CST6: variants seen among roughly 807,000 people sequenced by gnomAD.
The protein encoded by CST6 is cystatin E/M.
CST6 carries 8 observed loss-of-function variants against 10.7 expected under a neutral mutation model. The observed-to-expected ratio is 0.75, with a 90% CI of 0.44 to 1.34. The LOEUF (loss-of-function observed/expected upper bound fraction) is 1.34, where lower values mean the gene tolerates loss of function less well. Among genes scored for constraint, CST6 ranks in the 40% most tolerant of loss-of-function variants. The probability of loss-of-function intolerance (pLI) is 0.01; values close to 1 mark genes in which losing one functional copy is unlikely to be tolerated. For synonymous variants in CST6, 100 were observed against 89.3 expected, an observed-to-expected ratio of 1.12 and a Z score of -0.68; for missense variants, 206 against 205.1, an observed-to-expected ratio of 1.00 and a Z score of -0.03.
chr11:66,012,674 A>ACCCCCC (rs1420287294), intron 1 of CST6, 152 bp from the exon 2 acceptor site: 3 of 41,446 alleles, frequency 7.2e-5, no homozygotes, highest in Admixed American at 3.0e-4. Flanking sequence ...TCCCCCCCCC[A>ACCCCCC]CCCCCCCCCA....
chr11:66,012,307 A>AG (rs1404799533), intron 1 of CST6, 23 bp downstream of exon 1: 2 of 1,568,102 alleles, frequency 1.3e-6, no homozygotes, highest in Admixed American at 3.5e-5. Flanking sequence ...GGGTGCTGGG[A>AG]GGGGACACCC....
chr11:66,013,046 T>C (rs1290554227), intron 2 of CST6, 95 bp downstream of exon 2: 2 of 1,487,340 alleles, frequency 1.3e-6, no homozygotes. Flanking sequence ...CGTAGATGTC[T>C]AGATGTCTGG....
chr11:66,013,360 ACTC>A lies in CST6; in HGVS notation c.414_416del (p.Ser139del). ...GAGGTCCTTGTGGTTCCCTGGCAGA[ACTC>A]CTCTCAGCTCCTAAAGCACAACTGT... is the stretch of plus-strand genomic sequence containing the variant. On this transcript the variant is annotated inframe_deletion, in exon 3 of 3. Coordinates refer to ENST00000312134, the MANE Select transcript of CST6 (RefSeq NM_001323.4). 6.2e-7 allele frequency: 1 copy of A among 1,613,936 alleles called. No individual in the cohort carries two copies. The highest frequency in any genetic ancestry group is 1.1e-5 in the South Asian group (1 of 91,074).
rs772821402 is a variant in CST6, at chr11:66,013,331, CT to C, written c.384del (p.Phe128LeufsTer15). 5 of 1,614,162 alleles carry C rather than the reference CT, an allele frequency of 3.1e-6. No individual in the cohort carries two copies. The highest frequency in any genetic ancestry group is 4.2e-6 in the Non-Finnish European group (5 of 1,179,986). ...GAQQEKLRCD[F>X]EVLVVPWQNS... ...TCCCTCCACAGAAGCTGCGCTGTGA[CT>C]TTGAGGTCCTTGTGGTTCCCTGGCA... On this transcript the variant is annotated frameshift_variant, in exon 3 of 3. Transcript: ENST00000312134. LOFTEE classifies it high-confidence loss of function.
Position 66,012,187 on chromosome 11 carries a change from T to G in CST6, c.143T>G (p.Val48Gly). 6.3e-7 allele frequency: 1 copy of G among 1,577,288 alleles called. No homozygotes were observed. The highest frequency in any genetic ancestry group is 8.6e-7 in the Non-Finnish European group (1 of 1,163,622). ...GACCTGTCGCCCGACGACCCGCAGG[T>G]GCAGAAGGCGGCGCAGGCGGCCGTG... ...LRDLSPDDPQ[V>G]QKAAQAAVAS... is the part of the protein sequence containing the mutation. The change falls in exon 1 of 3, where the codon GTG becomes GGG. Residue 48 changes from valine (V) to glycine (G), a missense_variant. By Grantham distance (109) the Val-to-Gly change is moderately radical (BLOSUM62 -3). Coordinates refer to ENST00000312134, the MANE Select transcript of CST6 (RefSeq NM_001323.4).
intron 1 of CST6, 150 bp downstream of exon 1, chr11:66,012,434 G>A: frequency 9.2e-7 from 1 of 1,083,460 alleles, no homozygotes; most frequent in African/African-American, 1.6e-5. Context: ...AAAACTCCAC[G>A]ATGGACAACC....
chr11:66,013,299 CCCATATTCCCT>C lies in CST6; in HGVS notation c.367-14_367-4del. ...AGGCTGGGCTCACCCCTCCTTCTCC[CCCATATTCCCT>C]CCACAGAAGCTGCGCTGTGACTTTG... On this transcript the variant is annotated splice_region_variant and splice_polypyrimidine_tract_variant and intron_variant, in intron 2 of 2. Transcript: ENST00000312134. The C allele has an allele frequency of 6.2e-7, 1 of 1,610,912 alleles. No homozygotes were observed. Among genetic ancestry groups the C allele is most frequent in the Non-Finnish European group, 8.5e-7 (1 of 1,177,078 alleles).
At chr11:66,013,101 T>C (rs1413654648) in intron 2 of CST6, 150 bp downstream of exon 2, 3 of 1,170,758 alleles carry the variant, frequency 2.6e-6, no homozygotes, top group Admixed American at 3.9e-5. Flanking sequence ...TGGGCCAAGA[T>C]GGGGTGCAGA....
At position 66,012,871 on chromosome 11, in the gene CST6, A is replaced by T; in HGVS notation, c.286A>T (p.Thr96Ser). The change falls in exon 2 of 3, where the codon ACA becomes TCA. Residue 96 changes from threonine to serine, a missense_variant. Thr to Ser is a moderately conservative substitution (Grantham distance 58, BLOSUM62 1). Transcript: ENST00000312134. The part of the protein sequence containing the change: ...KYFLTMEMGS[T>S]DCRKTRVTGD... The stretch of plus-strand genomic sequence containing the variant: ...CTTCCTGACGATGGAGATGGGGAGC[A>T]CAGACTGCCGCAAGACCAGGGTCAC... The T allele has an allele frequency of 6.2e-7, 1 of 1,613,086 alleles. No homozygotes were observed. The highest frequency in any genetic ancestry group is 1.3e-5 in the African/African-American group (1 of 74,950).
Position 66,012,117 on chromosome 11 carries a change from G to A in CST6, c.73G>A (p.Asp25Asn), listed in dbSNP as rs372246137. 39 of 1,552,820 alleles carry A rather than the reference G, an allele frequency of 2.5e-5. No individual in the cohort carries two copies. The African/African-American group carries it at 5.1e-4, about 20-fold the overall frequency. The change falls in exon 1 of 3, where the codon GAC becomes AAC. Residue 25 changes from aspartate (D) to asparagine (N), a missense_variant. Physicochemically the swap from Asp to Asn is conservative, Grantham distance 23 (BLOSUM62 1). Coordinates refer to ENST00000312134, the MANE Select transcript of CST6 (RefSeq NM_001323.4). ...VAFCLLALPR[D>N]ARARPQERMV... ...ATTCTGCCTCCTGGCGCTGCCACGCGACGCCCGGGCCCGGCCGCAGGAGCG... is the reference window on the plus strand; with the variant it reads ...ATTCTGCCTCCTGGCGCTGCCACGCAACGCCCGGGCCCGGCCGCAGGAGCG...
At chr11:66,012,992 C>T (rs1856186183) in intron 2 of CST6, 41 bp downstream of exon 2, 1 of 1,607,196 alleles carries the variant, frequency 6.2e-7, no homozygotes, top group African/African-American at 1.3e-5. Context: ...TCCCCAGAGC[C>T]TCAGGCACTC....
Position 66,012,931 on chromosome 11 carries a change from G to T in CST6, c.346G>T (p.Ala116Ser). 1 of 1,613,584 alleles carries T rather than the reference G, an allele frequency of 6.2e-7. No homozygotes were observed. Among genetic ancestry groups the T allele is most frequent in the Non-Finnish European group, 8.5e-7 (1 of 1,179,920 alleles). The change falls in exon 2 of 3, where the codon GCA becomes TCA. Residue 116 changes from alanine to serine, a missense_variant. Ala to Ser is a moderately conservative substitution (Grantham distance 99). Transcript: ENST00000312134. ...CGTCGACCTCACCACTTGCCCCCTG[G>T]CAGCAGGGGCGCAGCAGGAGGTAAC... ...DHVDLTTCPL[A>S]AGAQQEKLRC...
chr11:66,013,230 C>T (rs1024198047), intron 2 of CST6, 87 bp from the exon 3 acceptor site: 40 of 1,229,334 alleles, frequency 3.3e-5, no homozygotes, highest in South Asian at 8.4e-5. Context: ...TGGCCTGGAG[C>T]AGCCTGGCAG....
chr11:66,012,302 C>A lies in CST6; in HGVS notation c.240+18C>A. ...AGAGCCAGGTGCGGCGGGCGGGGTG[C>A]TGGGAGGGGACACCCGGCCCAGATG... On this transcript the variant is annotated intron_variant, in intron 1 of 2. Coordinates refer to ENST00000312134, the MANE Select transcript of CST6 (RefSeq NM_001323.4). 2 of 1,573,958 alleles carry A rather than the reference C, an allele frequency of 1.3e-6. No homozygotes were observed. Among genetic ancestry groups the A allele is most frequent in the Non-Finnish European group, 1.7e-6 (2 of 1,156,100 alleles).
intron 2 of CST6, 96 bp downstream of exon 2, chr11:66,013,047 A>G: frequency 6.7e-7 from 1 of 1,489,070 alleles, no homozygotes; most frequent in Middle Eastern, 1.7e-4. Flanking sequence ...GTAGATGTCT[A>G]GATGTCTGGC....
At position 66,013,461 on chromosome 11, in the gene CST6, G is replaced by C. The variant is rs895515180; in HGVS notation, c.*61G>C. On this transcript the variant is annotated 3_prime_UTR_variant, in exon 3 of 3. Transcript: ENST00000312134. ...CCATGGTGGAGGGCACTTCAGGTCC[G>C]TGGGCCGTATCTGTCACAATAAATG... is the stretch of plus-strand genomic sequence containing the variant. 2 of 1,342,172 alleles carry C rather than the reference G, an allele frequency of 1.5e-6. No individual in the cohort carries two copies. Among genetic ancestry groups the C allele is most frequent in the Non-Finnish European group, 1.1e-6 (1 of 932,280 alleles). 83.1% of individuals were successfully genotyped at this position (1,342,172 alleles called of 1,614,324 possible). A position where few individuals can be genotyped will look rare whatever the true frequency, so the allele number is the denominator to read the frequency against.
In CST6 at chr11:66,013,497, C is replaced by T. The variant is rs532180361; in HGVS notation, c.*97C>T. 2.2e-4 allele frequency: 218 copies of T among 997,742 alleles called. 2 individuals carry two copies. The highest frequency in any genetic ancestry group is 1.1e-3 in the Admixed American group (63 of 57,788). The allele number at this position is 997,742 out of a possible 1,614,324, so 61.8% of individuals were successfully genotyped here. ...CTGTCACAATAAATGGCCAGTGCTG[C>T]TTCTTGCATTGGTTTCTTCCAAGTG... On this transcript the variant is annotated 3_prime_UTR_variant, in exon 3 of 3. Transcript: ENST00000312134.
chr11:66,012,664 T>TCCCCCCCCCCCCCCCCCCCCCCCCCCCCC (rs1159123566), intron 1 of CST6, among the ~76,000 whole-genome samples, 162 bp from the exon 2 acceptor site: 2 of 14,486 alleles, frequency 1.4e-4, no homozygotes, highest in Non-Finnish European at 3.6e-4. Context: ...CCACCAGAAC[T>TCCCCCCCCCCCCCCCCCCCCCCCCCCCCC]CCCCCCCCCA....
Position 66,013,444 on chromosome 11 carries a change from G to A in CST6, c.*44G>A, listed in dbSNP as rs146383743. ...GGCCATTGGGTTTGGGGCCATGGTG[G>A]AGGGCACTTCAGGTCCGTGGGCCGT... On this transcript the variant is annotated 3_prime_UTR_variant, in exon 3 of 3. Transcript: ENST00000312134. The A allele has an allele frequency of 2.2e-4, 325 of 1,510,304 alleles. 4 individuals carry two copies. In the East Asian group the frequency reaches 7.3e-3, roughly 34 times the overall value. 93.6% of individuals were successfully genotyped at this position (1,510,304 alleles called of 1,614,324 possible).
Sources: allele counts gnomAD v4.1 joint callset (sites outside exome capture counted in the v4.1 genomes callset), GRCh38; gene constraint gnomAD v4.1.1; transcripts MANE v1.5; gene names NCBI Gene and HGNC (gene_info 2026-07-23, HGNC 2026-07-21).